The following FSTL5 variants were observed in gnomAD, a reference collection of about 807,000 sequenced individuals.
FSTL5 encodes follistatin-related protein 5.
FSTL5 carries 62 observed loss-of-function variants against 89.1 expected under a neutral mutation model. The observed-to-expected ratio is 0.70, with a 90% CI of 0.57 to 0.86. FSTL5 has a LOEUF of 0.86. FSTL5 is among the 40% of genes least tolerant of loss of function. FSTL5 has a pLI of 0.00. For missense variants in FSTL5, 1,057 were observed against 1,001.6 expected, an observed-to-expected ratio of 1.06 and a Z score of -0.75; for synonymous variants, 383 against 346.2, an observed-to-expected ratio of 1.11 and a Z score of -1.18.
At chr4:161,434,515 G>A (rs1039278934) in intron 15 of FSTL5, among the ~76,000 whole-genome samples, 1 of 151,922 alleles carries the variant, frequency 6.6e-6, no homozygotes, top group Non-Finnish European at 1.5e-5. Context: ...GTTGGACTAG[G>A]CAAAGATTTT....
At chr4:162,026,817 AG>A (rs1003911401) in intron 3 of FSTL5, among the ~76,000 whole-genome samples, 87 of 152,306 alleles carry the variant, frequency 5.7e-4, no homozygotes, top group African/African-American at 1.9e-3. Context: ...TATTATTAAT[AG>A]AAAAAAACCT....
At chr4:161,467,157 T>G (rs1733774651) in intron 13 of FSTL5, among the ~76,000 whole-genome samples, 1 of 152,112 alleles carries the variant, frequency 6.6e-6, no homozygotes, top group African/African-American at 2.4e-5. Flanking sequence ...GAAGGCATTT[T>G]GATTTTTGGA....
At chr4:162,108,231 TACAG>T (rs759484735) in intron 2 of FSTL5, among the ~76,000 whole-genome samples, 1 of 152,106 alleles carries the variant, frequency 6.6e-6, no homozygotes, top group Non-Finnish European at 1.5e-5. Flanking sequence ...TATCTCAAGA[TACAG>T]ACAAATTTTC....
At chr4:161,473,416 C>T (rs1348390218) in intron 13 of FSTL5, among the ~76,000 whole-genome samples, 1 of 132,238 alleles carries the variant, frequency 7.6e-6, no homozygotes, top group Non-Finnish European at 1.5e-5. Flanking sequence ...CCCTCTTTGT[C>T]TCTTGTAATT....
intron 4 of FSTL5, among the ~76,000 whole-genome samples, chr4:161,865,056 A>C (rs977455): frequency 0.87 from 132,415 of 151,890 alleles, 58,506 homozygotes; most frequent in East Asian, 0.98. Flanking sequence ...GTGATAAAAA[A>C]AAAACCTATG....
At chr4:161,502,490 T>C (rs912770055) in intron 11 of FSTL5, among the ~76,000 whole-genome samples, 3 of 151,894 alleles carry the variant, frequency 2.0e-5, no homozygotes, top group African/African-American at 7.2e-5. Flanking sequence ...AGAATATAAA[T>C]TCTTAGTGCT....
At chr4:161,463,813 T>A (rs909793821) in intron 13 of FSTL5, among the ~76,000 whole-genome samples, 2 of 152,194 alleles carry the variant, frequency 1.3e-5, no homozygotes, top group African/African-American at 4.8e-5. Context: ...CATCCTTGAC[T>A]GCCGTCTTCC....
intron 3 of FSTL5, among the ~76,000 whole-genome samples, chr4:161,996,736 C>T (rs1489149846): frequency 6.6e-6 from 1 of 152,158 alleles, no homozygotes; most frequent in Non-Finnish European, 1.5e-5. Flanking sequence ...ATAAGTCTCC[C>T]AACTTTATTT....
intron 3 of FSTL5, among the ~76,000 whole-genome samples, chr4:161,926,890 A>G (rs1032256008): frequency 5.9e-5 from 9 of 152,008 alleles, no homozygotes; most frequent in Non-Finnish European, 1.0e-4. Flanking sequence ...TAGAAGCCAA[A>G]GAAATTTCAC....
At chr4:161,738,907 C>G (rs569472604) in intron 6 of FSTL5, among the ~76,000 whole-genome samples, 2 of 152,234 alleles carry the variant, frequency 1.3e-5, no homozygotes, top group East Asian at 3.9e-4. Flanking sequence ...TGATTGCAAT[C>G]AAGCTCTTTT....
chr4:161,686,901 A>T (rs1022623477), intron 6 of FSTL5, among the ~76,000 whole-genome samples: 9 of 152,154 alleles, frequency 5.9e-5, no homozygotes, highest in Non-Finnish European at 8.8e-5. Context: ...TATATTTGAA[A>T]TGTGACCTGT....
intron 10 of FSTL5, among the ~76,000 whole-genome samples, chr4:161,535,714 G>C (rs571631659): frequency 4.4e-4 from 67 of 152,148 alleles, no homozygotes; most frequent in South Asian, 1.2e-3. Flanking sequence ...GTTACTATTT[G>C]ACCCAGCAAT....
Position 161,628,509 on chromosome 4 carries a change from CATA to C in FSTL5, c.894+27816_894+27818del, listed in dbSNP as rs558842529. Among the ~76,000 whole-genome samples, 35 of 152,086 alleles carry C rather than the reference CATA, an allele frequency of 2.3e-4. No individual in the cohort carries two copies. The East Asian group carries it at 5.8e-3, about 25-fold the overall frequency. ...TATGTCTAAAAATTAATATATATAA[CATA>C]ATATCAGAGTATAATTATTTTACTT... is the stretch of plus-strand genomic sequence containing the variant. On this transcript the variant is annotated intron_variant, in intron 7 of 15. Coordinates refer to ENST00000306100, the MANE Select transcript of FSTL5 (RefSeq NM_020116.5).
intron 4 of FSTL5, among the ~76,000 whole-genome samples, chr4:161,898,240 A>G (rs1733233607): frequency 6.6e-6 from 1 of 151,460 alleles, no homozygotes; most frequent in African/African-American, 2.4e-5. Flanking sequence ...TAACATTCAT[A>G]TCATACATGT....
chr4:161,433,826 AAATATCTAGGAATTAATGAAAGAAATG>A, intron 15 of FSTL5, among the ~76,000 whole-genome samples: 1 of 152,098 alleles, frequency 6.6e-6, no homozygotes, highest in Admixed American at 6.5e-5. Context: ...AAATAAAATT[AAATATCTAGGAATTAATGAAAGAAATG>A]AAAGATCTCA....
chr4:162,013,163 C>T (rs966614980), intron 3 of FSTL5, among the ~76,000 whole-genome samples: 4 of 150,630 alleles, frequency 2.7e-5, no homozygotes, highest in East Asian at 2.0e-4. Flanking sequence ...CCAGCCTGGG[C>T]GACACTGAAA....
Position 162,075,573 on chromosome 4 carries a change from A to T in FSTL5, c.126+35698T>A, listed in dbSNP as rs530321596. ...CCAACAGCTTCCTGATGTTAAGTGG[A>T]GGATCTGAGGATTTACACTACTTGC... On this transcript the variant is annotated intron_variant, in intron 2 of 15. Coordinates refer to ENST00000306100, the MANE Select transcript of FSTL5 (RefSeq NM_020116.5). Among the ~76,000 whole-genome samples, 309 of 151,972 alleles carry T rather than the reference A, an allele frequency of 2.0e-3. 1 individual carries two copies. The highest frequency in any genetic ancestry group is 7.1e-3 in the African/African-American group (295 of 41,532).
chr4:162,108,397 A>G (rs976629342), intron 2 of FSTL5, among the ~76,000 whole-genome samples: 1 of 152,090 alleles, frequency 6.6e-6, no homozygotes, highest in Non-Finnish European at 1.5e-5. Context: ...GCACACAAAT[A>G]TTTGGTAAAA....
Position 161,542,687 on chromosome 4 carries a change from G to T in FSTL5, c.1022C>A (p.Pro341Gln), listed in dbSNP as rs1560945789. The T allele has an allele frequency of 6.9e-7, 1 of 1,452,876 alleles. No individual in the cohort carries two copies. The highest frequency in any genetic ancestry group is 9.1e-7 in the Non-Finnish European group (1 of 1,097,412). 90.0% of individuals were successfully genotyped at this position (1,452,876 alleles called of 1,614,324 possible). ...ACTCTCTGGATACACCCGGATGACT[G>T]GAGGAACTAAAGGAAAAAATGAAAG... ...QTHIFQVNVP[P>Q]VIRVYPESQA... The change falls in exon 9 of 16, where the codon CCA becomes CAA. Residue 341 changes from proline (P) to glutamine (Q), a missense_variant. Pro to Gln is a moderately conservative substitution (Grantham distance 76, BLOSUM62 -1). Around this residue, in one of 3 missense-constraint regions of FSTL5, gnomAD observed 980 missense variants for 903.2 expected, o/e 1.08. Transcript: ENST00000306100.
Sources: allele counts gnomAD v4.1 joint callset (sites outside exome capture counted in the v4.1 genomes callset), GRCh38; gene constraint gnomAD v4.1.1; regional missense constraint gnomAD v4.1.1; transcripts MANE v1.5; gene names NCBI Gene and HGNC (gene_info 2026-07-23, HGNC 2026-07-21).